PCDHGA3: variants seen among roughly 807,000 people sequenced by gnomAD.
The protein encoded by PCDHGA3 is protocadherin gamma subfamily A, 3, also known as protocadherin gamma-A3.
A neutral mutation model predicts 58.5 loss-of-function variants in PCDHGA3; 40 were observed. The observed-to-expected ratio is 0.68, with a 90% CI of 0.53 to 0.89. The LOEUF (loss-of-function observed/expected upper bound fraction) is 0.89, where lower values mean the gene tolerates loss of function less well. PCDHGA3 is among the 40% of genes least tolerant of loss of function. The pLI is 0.00. For synonymous variants in PCDHGA3, 530 were observed against 525.7 expected (o/e 1.01, Z -0.11); for missense variants, 1,223 against 1,195.9 (o/e 1.02, Z -0.33).
chr5:141,485,549 G>T lies in PCDHGA3; in HGVS notation c.2425-9258G>T. 1 of 1,614,030 alleles carries T rather than the reference G, an allele frequency of 6.2e-7. No homozygotes were observed. Among genetic ancestry groups the T allele is most frequent in the Non-Finnish European group, 8.5e-7 (1 of 1,179,922 alleles). On this transcript the variant is annotated intron_variant, in intron 1 of 3. Coordinates refer to ENST00000253812, the MANE Select transcript of PCDHGA3 (RefSeq NM_018916.4). The surrounding 1 kb of genome is among the most constrained non-coding windows in gnomAD (Gnocchi z 5.7). Reference sequence around the variant, plus strand: ...CCGAGCAGAGGTAGAGATCGTAGATGTGAATGATCACGCCCCCCGTTTTCC... The same window carrying T: ...CCGAGCAGAGGTAGAGATCGTAGATTTGAATGATCACGCCCCCCGTTTTCC...
At chr5:141,375,730 C>T in intron 1 of PCDHGA3, 3 of 1,614,266 alleles carry the variant, frequency 1.9e-6, no homozygotes, top group Non-Finnish European at 2.5e-6. Context: ...TGTCACTGAG[C>T]CTGTTTGTGC....
At chr5:141,395,437 G>T in intron 1 of PCDHGA3, 1 of 668,370 alleles carries the variant, frequency 1.5e-6, no homozygotes, top group Non-Finnish European at 2.4e-6. Context: ...TAAACGACTT[G>T]GAAAAGATTG....
In PCDHGA3 at chr5:141,344,585, C is replaced by A. The variant is rs1757440405; in HGVS notation, c.552C>A (p.Ser184Arg). Residue 184 changes from serine to arginine, a missense_variant, in exon 1 of 4, where the codon AGC becomes AGA. Physicochemically the swap from Ser to Arg is moderately radical, Grantham distance 110 (BLOSUM62 -1). Around this residue, in one of 3 missense-constraint regions of PCDHGA3, gnomAD observed 791 missense variants for 708.5 expected, o/e 1.12. Coordinates refer to ENST00000253812, the MANE Select transcript of PCDHGA3 (RefSeq NM_018916.4). ...PNDYFSLAVN[S>R]VSEGAKYPEL... Reference sequence around the variant, plus strand: ...ACTACTTCTCTCTGGCTGTGAATAGCGTCTCTGAGGGGGCCAAGTATCCAG... The same window carrying A: ...ACTACTTCTCTCTGGCTGTGAATAGAGTCTCTGAGGGGGCCAAGTATCCAG... 2.5e-6 allele frequency: 4 copies of A among 1,613,976 alleles called. No individual in the cohort carries two copies. Among genetic ancestry groups the A allele is most frequent in the Non-Finnish European group, 2.5e-6 (3 of 1,179,882 alleles).
At chr5:141,350,920 C>T (rs1280314926) in intron 1 of PCDHGA3, 1 of 1,614,042 alleles carries the variant, frequency 6.2e-7, no homozygotes, top group South Asian at 1.1e-5. Context: ...CGCCTCTAAG[C>T]GGCACCACCC....
Position 141,477,160 on chromosome 5 carries a change from C to A in PCDHGA3, c.2425-17647C>A, listed in dbSNP as rs768436526. The A allele has an allele frequency of 1.9e-5, 31 of 1,614,068 alleles. No homozygotes were observed. The African/African-American group carries it at 3.6e-4, about 19-fold the overall frequency. On this transcript the variant is annotated intron_variant, in intron 1 of 3. Coordinates refer to ENST00000253812, the MANE Select transcript of PCDHGA3 (RefSeq NM_018916.4). This position sits in a 1 kb window ranked among gnomAD's most constrained non-coding sequence, Gnocchi z 4.9. ...TGGAGGTTGTGGATGTGAATGACAA[C>A]GCCCCGGAGATCACAGTCACCTCCG...
intron 1 of PCDHGA3, chr5:141,378,892 G>A (rs1477205995): frequency 1.3e-5 from 2 of 152,204 alleles, no homozygotes; most frequent in Non-Finnish European, 2.9e-5. Context: ...AAGGAGATAG[G>A]AGATTCTGTT....
chr5:141,427,924 G>T, intron 1 of PCDHGA3: 1 of 1,580,140 alleles, frequency 6.3e-7, no homozygotes, highest in Non-Finnish European at 8.7e-7. Flanking sequence ...ATGAGCCGGC[G>T]CATGTTGGTG....
At chr5:141,415,740 G>GTTTTTTTTTTTTTTTTTTGTTTTTTTTT in intron 1 of PCDHGA3, 1 of 617,992 alleles carries the variant, frequency 1.6e-6, no homozygotes, top group Non-Finnish European at 2.1e-6. Flanking sequence ...GTTTATTAAG[G>GTTTTTTTTTTTTTTTTTTGTTTTTTTTT]TTTTTTTTTT....
At chr5:141,468,330 CAAA>C (rs533390277) in intron 1 of PCDHGA3, 32,113 of 79,068 alleles carry the variant, frequency 0.41, 3,870 homozygotes, top group African/African-American at 0.52. Flanking sequence ...AACTCCATCT[CAAA>C]AAAAAAAAAA....
Position 141,346,160 on chromosome 5 carries a change from C to T in PCDHGA3, c.2127C>T (p.Ile709=), listed in dbSNP as rs1237874036. Residue 709 remains isoleucine, a synonymous_variant, in exon 1 of 4, where the codon ATC becomes ATT. Coordinates refer to ENST00000253812, the MANE Select transcript of PCDHGA3 (RefSeq NM_018916.4). ...AVSCVFLAFV[I]VLLALRLRRW... The stretch of plus-strand genomic sequence containing the variant: ...CCTGCGTCTTCCTGGCCTTCGTCAT[C>T]GTGCTGCTGGCGCTCAGGCTGCGGC... 4 of 1,613,920 alleles carry T rather than the reference C, an allele frequency of 2.5e-6. No individual in the cohort carries two copies. The African/African-American group carries it at 4.0e-5, about 16-fold the overall frequency.
chr5:141,344,094 G>A lies in PCDHGA3; in HGVS notation c.61G>A (p.Gly21Arg). The A allele has an allele frequency of 6.2e-7, 1 of 1,613,658 alleles. No individual in the cohort carries two copies. Among genetic ancestry groups the A allele is most frequent in the South Asian group, 1.1e-5 (1 of 91,052 alleles). Residue 21 changes from glycine to arginine, a missense_variant, in exon 1 of 4, where the codon GGG (glycine) becomes AGG (arginine). Physicochemically the swap from Gly to Arg is moderately radical, Grantham distance 125 (BLOSUM62 -2). Coordinates refer to ENST00000253812, the MANE Select transcript of PCDHGA3 (RefSeq NM_018916.4). ...RGLALLCALLGTLCETGSGQI... is the reference protein window; with the variant it reads ...RGLALLCALLRTLCETGSGQI... ...ACTGGCCCTGCTGTGCGCGCTCCTGGGGACGCTGTGCGAAACAGGATCCGG... is the reference window on the plus strand; with the variant it reads ...ACTGGCCCTGCTGTGCGCGCTCCTGAGGACGCTGTGCGAAACAGGATCCGG...
At position 141,344,251 on chromosome 5, in the gene PCDHGA3, A is replaced by G; in HGVS notation, c.218A>G (p.Gln73Arg). The G allele has an allele frequency of 6.2e-7, 1 of 1,614,062 alleles. No homozygotes were observed. The highest frequency in any genetic ancestry group is 8.5e-7 in the Non-Finnish European group (1 of 1,179,906). The stretch of plus-strand genomic sequence containing the variant: ...CGCATCGTCTCCAGAGGTAGGACGC[A>G]GCTTTTCTCTCTGAATCCGCAAAGC... ...GVRIVSRGRT[Q>R]LFSLNPQSGS... Residue 73 changes from glutamine to arginine, a missense_variant, in exon 1 of 4, where the codon CAG (glutamine) becomes CGG (arginine). By Grantham distance (43) the Gln-to-Arg change is conservative. Coordinates refer to ENST00000253812, the MANE Select transcript of PCDHGA3 (RefSeq NM_018916.4).
At chr5:141,419,432 C>A (rs2096381830) in intron 1 of PCDHGA3, 1 of 1,613,160 alleles carries the variant, frequency 6.2e-7, no homozygotes, top group Non-Finnish European at 8.5e-7. Flanking sequence ...CCACGAGCAG[C>A]TGCGCACCTT....
At chr5:141,434,695 AAT>A (rs1228504579) in intron 1 of PCDHGA3, among the ~76,000 whole-genome samples, 7 of 152,212 alleles carry the variant, frequency 4.6e-5, no homozygotes, top group Non-Finnish European at 8.8e-5. Flanking sequence ...GCTGTTAATA[AAT>A]ATGTGGGTAA....
intron 1 of PCDHGA3, chr5:141,351,998 C>A: frequency 6.2e-7 from 1 of 1,610,868 alleles, no homozygotes; most frequent in Non-Finnish European, 8.5e-7. Flanking sequence ...CGCCGCAGAG[C>A]CCGGCTACCT....
rs765818637 is a variant in PCDHGA3 at position 141,409,918 on chromosome 5, C to T, written c.2424+63461C>T. ...ACCCAGCTCTGGGTCCTGACGGCTC[C>T]GCGTTCTTCGATATGGTACCTCGCT... On this transcript the variant is annotated intron_variant, in intron 1 of 3. Coordinates refer to ENST00000253812, the MANE Select transcript of PCDHGA3 (RefSeq NM_018916.4). 1.9e-6 allele frequency: 3 copies of T among 1,613,222 alleles called. No individual in the cohort carries two copies. In the African/African-American group the frequency reaches 4.0e-5, roughly 22 times the overall value.
At chr5:141,413,318 T>C in intron 1 of PCDHGA3, 1 of 1,613,968 alleles carries the variant, frequency 6.2e-7, no homozygotes, top group Non-Finnish European at 8.5e-7. Flanking sequence ...AAAGGCTCTT[T>C]CGTGGGCAAC....
At chr5:141,457,125 C>T (rs1011977795) in intron 1 of PCDHGA3, among the ~76,000 whole-genome samples, 3 of 152,236 alleles carry the variant, frequency 2.0e-5, no homozygotes, top group Admixed American at 6.5e-5. Flanking sequence ...GCAATGGAAA[C>T]TCTGTCCAAT....
At position 141,424,135 on chromosome 5, in the gene PCDHGA3, G is replaced by A. The variant is rs572224199; in HGVS notation, c.2425-70672G>A. 1.1e-4 allele frequency: 47 copies of A among 431,606 alleles called. No individual in the cohort carries two copies. The South Asian group carries it at 4.6e-3, about 43-fold the overall frequency. The allele number at this position is 431,606 out of a possible 1,614,324, so 26.7% of individuals were successfully genotyped here. On this transcript the variant is annotated intron_variant, in intron 1 of 3. Coordinates refer to ENST00000253812, the MANE Select transcript of PCDHGA3 (RefSeq NM_018916.4). The stretch of plus-strand genomic sequence containing the variant: ...AAATTTTGATCCTGTTGATTTAATA[G>A]CATGCTCCCTCTAGCTCTCCTTCTC...
Sources: allele counts gnomAD v4.1 joint callset (sites outside exome capture counted in the v4.1 genomes callset), GRCh38; gene constraint gnomAD v4.1.1; regional missense constraint gnomAD v4.1.1; non-coding constraint Gnocchi (gnomAD v3.1); transcripts MANE v1.5; gene names NCBI Gene and HGNC (gene_info 2026-07-23, HGNC 2026-07-21).